OLFM1: variants seen among roughly 807,000 people sequenced by gnomAD.
OLFM1 encodes the protein noelin.
In OLFM1, 9 loss-of-function variants were observed where a neutral mutation model predicts 49.7. The ratio of observed to expected loss-of-function variants is 0.18; its 90% CI spans 0.11 to 0.32. The LOEUF (loss-of-function observed/expected upper bound fraction) is 0.32, where lower values mean the gene tolerates loss of function less well. Ranked by LOEUF, OLFM1 falls within the 10% of genes least tolerant of loss-of-function variation. The pLI, the probability that OLFM1 is intolerant of heterozygous loss-of-function variation, is 1.00. For synonymous variants in OLFM1, 240 were observed against 271.8 expected (o/e 0.88, Z 1.15); for missense variants, 369 against 661.8 (o/e 0.56, Z 4.85).
intron 1 of OLFM1, among the ~76,000 whole-genome samples, chr9:135,081,278 G>A (rs1392640421): frequency 2.0e-5 from 3 of 152,190 alleles, no homozygotes; most frequent in Admixed American, 2.0e-4. Context: ...TGTTAAGACA[G>A]AAAGAAAATG....
chr9:135,087,647 C>A, upstream of OLFM1: 1 of 516,956 alleles, frequency 1.9e-6, no homozygotes, highest in Non-Finnish European at 2.9e-6. Flanking sequence ...GCGGCCCCCG[C>A]GCGCAGCCCG....
At chr9:135,096,948 T>C (rs1388837368) in intron 3 of OLFM1, among the ~76,000 whole-genome samples, 2 of 152,202 alleles carry the variant, frequency 1.3e-5, no homozygotes, top group African/African-American at 2.4e-5. Flanking sequence ...GGTAGAGAGA[T>C]GCCCACAGTT....
At chr9:135,075,764 C>T (rs561193095) in exon 1 of OLFM1, 1 of 1,607,638 alleles carries the variant, frequency 6.2e-7, no homozygotes, top group South Asian at 1.1e-5. Flanking sequence ...GCTCCTCAGC[C>T]TCCTCTTCCT....
Position 135,120,415 on chromosome 9 carries a change from C to G in OLFM1, c.*237C>G, listed in dbSNP as rs529339279. Reference sequence around the variant, plus strand: ...GCTGGAACTGCAGCCCACGGCGCCCCGGTTTTCCTCCCCGCCCTGTCCCTC... The same window carrying G: ...GCTGGAACTGCAGCCCACGGCGCCCGGGTTTTCCTCCCCGCCCTGTCCCTC... On this transcript the variant is annotated 3_prime_UTR_variant, in exon 6 of 6. Transcript: ENST00000371793. 1 of 563,690 alleles carries G rather than the reference C, an allele frequency of 1.8e-6. No individual in the cohort carries two copies. The highest frequency in any genetic ancestry group is 3.3e-5 in the Admixed American group (1 of 30,418). The allele number at this position is 563,690 out of a possible 1,614,324, so 34.9% of individuals were successfully genotyped here. A position where few individuals can be genotyped will look rare whatever the true frequency, so the allele number is the denominator to read the frequency against.
At chr9:135,110,563 T>C (rs1831007389) in intron 5 of OLFM1, among the ~76,000 whole-genome samples, 1 of 152,170 alleles carries the variant, frequency 6.6e-6, no homozygotes. Flanking sequence ...AAGGTGGAAA[T>C]ATCCAAAATG....
intron 5 of OLFM1, among the ~76,000 whole-genome samples, chr9:135,118,734 G>C (rs967776045): frequency 2.0e-5 from 3 of 150,608 alleles, no homozygotes; most frequent in Non-Finnish European, 4.4e-5. Flanking sequence ...GTACTCACTG[G>C]GTCTCTGGAG....
intron 1 of OLFM1, chr9:135,075,888 G>C: frequency 3.5e-6 from 5 of 1,446,206 alleles, no homozygotes; most frequent in Non-Finnish European, 4.6e-6. Flanking sequence ...AACGGCTCTG[G>C]CTCCGCGCCG....
intron 1 of OLFM1, chr9:135,076,139 G>T (rs1830462175): frequency 6.5e-7 from 1 of 1,549,610 alleles, no homozygotes; most frequent in Non-Finnish European, 8.7e-7. Context: ...ATCTGGAGGG[G>T]GAAGAGTGAG....
chr9:135,111,183 G>T (rs1831017348), intron 5 of OLFM1, among the ~76,000 whole-genome samples: 1 of 152,236 alleles, frequency 6.6e-6, no homozygotes, highest in Non-Finnish European at 1.5e-5. Context: ...TTTCGGAGAA[G>T]CCTGGTCCCC....
chr9:135,097,417 C>A (rs1010325947), intron 3 of OLFM1, among the ~76,000 whole-genome samples: 1 of 152,152 alleles, frequency 6.6e-6, no homozygotes, highest in South Asian at 2.1e-4. Flanking sequence ...GCCAGCACTC[C>A]CTTCTCTGCG....
In OLFM1 at chr9:135,098,218, C is replaced by G. The variant is rs1830825682; in HGVS notation, c.457-68C>G. 2 of 1,566,950 alleles carry G rather than the reference C, an allele frequency of 1.3e-6. No individual in the cohort carries two copies. The highest frequency in any genetic ancestry group is 2.3e-5 in the South Asian group (2 of 86,916). ...ACACTTTCCCTCACCTAGGGAGAAGCCAGGCCAAGGCAGGGTGTGAGAGTT... is the reference window on the plus strand; with the variant it reads ...ACACTTTCCCTCACCTAGGGAGAAGGCAGGCCAAGGCAGGGTGTGAGAGTT... On this transcript the variant is annotated intron_variant, in intron 3 of 5. Coordinates refer to ENST00000371793, the MANE Select transcript of OLFM1 (RefSeq NM_001282611.2). This position sits in a 1 kb window ranked among gnomAD's most constrained non-coding sequence, Gnocchi z 5.6.
At position 135,120,224 on chromosome 9, in the gene OLFM1, G is replaced by T; in HGVS notation, c.*46G>T. 6.6e-7 allele frequency: 1 copy of T among 1,507,094 alleles called. No homozygotes were observed. Among genetic ancestry groups the T allele is most frequent in the Non-Finnish European group, 9.0e-7 (1 of 1,115,452 alleles). The allele number at this position is 1,507,094 out of a possible 1,614,324, so 93.4% of individuals were successfully genotyped here. On this transcript the variant is annotated 3_prime_UTR_variant, in exon 6 of 6. Transcript: ENST00000371793. ...AGGGCCCACGTCCTCACCACAAAGG[G>T]ACTCCTGTGAAACTGCTGCCAAAAA...
intron 1 of OLFM1, among the ~76,000 whole-genome samples, chr9:135,078,348 A>G (rs186576770): frequency 6.6e-6 from 1 of 152,324 alleles, no homozygotes; most frequent in Admixed American, 6.5e-5. Context: ...TCGACATAAG[A>G]AGATGTCAGA....
chr9:135,079,211 G>A (rs916165175), intron 1 of OLFM1, among the ~76,000 whole-genome samples: 2 of 152,198 alleles, frequency 1.3e-5, no homozygotes, highest in African/African-American at 2.4e-5. Context: ...GAGTGCTCTG[G>A]GTAGGAGTTG....
chr9:135,097,740 T>TGAGCTA, intron 3 of OLFM1: 1 of 1,523,532 alleles, frequency 6.6e-7, no homozygotes, highest in Non-Finnish European at 9.1e-7. Context: ...GGCAGGCTAG[T>TGAGCTA]GAGCTAGTTC....
chr9:135,114,029 C>T (rs1230245889), intron 5 of OLFM1, among the ~76,000 whole-genome samples: 2 of 152,052 alleles, frequency 1.3e-5, no homozygotes, highest in Admixed American at 1.3e-4. Flanking sequence ...CATGGCTCCT[C>T]CCTGTGTCTG....
At chr9:135,089,164 T>A (rs1349401372) in intron 1 of OLFM1, among the ~76,000 whole-genome samples, 3 of 152,228 alleles carry the variant, frequency 2.0e-5, no homozygotes, top group Non-Finnish European at 4.4e-5. Context: ...CCCTGCTCCT[T>A]CAGGAATCGG....
rs1019822166 is a variant in OLFM1, at chr9:135,117,625, GA to G, written c.784-1877del. Among the ~76,000 whole-genome samples, 4 of 152,228 alleles carry G rather than the reference GA, an allele frequency of 2.6e-5. No individual in the cohort carries two copies. Among genetic ancestry groups the G allele is most frequent in the African/African-American group, 9.6e-5 (4 of 41,460 alleles). Reference sequence around the variant, plus strand: ...CCCCTTCAGCCCTGGGTTCTGTACTGAAGGAGCTCCTTTCTTGCACACGTGT... The same window carrying G: ...CCCCTTCAGCCCTGGGTTCTGTACTGAGGAGCTCCTTTCTTGCACACGTGT... On this transcript the variant is annotated intron_variant, in intron 5 of 5. Transcript: ENST00000371793. This position sits in a 1 kb window ranked among gnomAD's most constrained non-coding sequence, Gnocchi z 5.5.
rs1830623257 is a variant in OLFM1, at chr9:135,087,996, G to C, written c.7G>C (p.Val3Leu). The C allele has an allele frequency of 6.9e-7, 1 of 1,450,724 alleles. No homozygotes were observed. Among genetic ancestry groups the C allele is most frequent in the Admixed American group, 2.4e-5 (1 of 41,550 alleles). 89.9% of individuals were successfully genotyped at this position (1,450,724 alleles called of 1,614,324 possible). ...GGAGGCAGCTCGAGGCGCGATGTCGGTGCCGCTGCTCAAGATCGGGGTCGT... is the reference window on the plus strand; with the variant it reads ...GGAGGCAGCTCGAGGCGCGATGTCGCTGCCGCTGCTCAAGATCGGGGTCGT... MS[V>L]PLLKIGVVLS... The change falls in exon 1 of 6, where the codon GTG becomes CTG. Residue 3 changes from valine (V) to leucine (L), a missense_variant. Val to Leu is a conservative substitution (Grantham distance 32). Coordinates refer to ENST00000371793, the MANE Select transcript of OLFM1 (RefSeq NM_001282611.2).
Sources: gnomAD v4.1 joint callset for allele counts (sites outside exome capture counted in the v4.1 genomes callset) on GRCh38, gnomAD v4.1.1 for gene constraint, Gnocchi (gnomAD v3.1) non-coding constraint, MANE v1.5 for transcripts, NCBI Gene and HGNC (gene_info 2026-07-23, HGNC 2026-07-21) for gene names.